HLCS: variants seen among roughly 807,000 people sequenced by gnomAD.
The protein encoded by HLCS is biotin--protein ligase.
Under a neutral mutation model 75.0 loss-of-function variants are expected in HLCS, and 53 were observed. The observed-to-expected ratio is 0.71, with a 90% confidence interval of 0.57 to 0.89. HLCS has a LOEUF of 0.89. Ranked by LOEUF, HLCS falls within the 40% of genes least tolerant of loss-of-function variation. The pLI is 0.00. For synonymous variants in HLCS, 431 were observed against 428.6 expected (o/e 1.01, Z -0.07); for missense variants, 966 against 1,074.0 (o/e 0.90, Z 1.41).
chr21:36,951,104 ATGTTT>A (rs1304021845), intron 2 of HLCS, among the ~76,000 whole-genome samples: 4 of 152,194 alleles, frequency 2.6e-5, no homozygotes, highest in Non-Finnish European at 5.9e-5. Flanking sequence ...TTCTTGCTGC[ATGTTT>A]TGAATTGATG....
chr21:36,934,248 A>T (rs1307209110), intron 4 of HLCS, among the ~76,000 whole-genome samples: 1 of 152,202 alleles, frequency 6.6e-6, no homozygotes, highest in South Asian at 2.1e-4. Context: ...GAACTAAAAA[A>T]ATGTCTCCAG....
rs752570659 is a variant in HLCS, at chr21:36,937,370, A to G, written c.516T>C (p.Thr172=). 1.2e-6 allele frequency: 2 copies of G among 1,613,806 alleles called. No homozygotes were observed. Among genetic ancestry groups the G allele is most frequent in the Admixed American group, 1.7e-5 (1 of 60,018 alleles). The change falls in exon 4 of 11, where the codon ACT becomes ACC. Residue 172 remains threonine, a synonymous_variant. Transcript: ENST00000674895. The part of the protein sequence containing the change: ...KIVSVHLQDS[T]LKEVKDQVSN... ...AGACCTGATCCTTAACTTCCTTCAG[A>G]GTGGAGTCCTGCAAGTGCACCGCTA...
intron 6 of HLCS, among the ~76,000 whole-genome samples, chr21:36,769,980 C>T (rs978804663): frequency 6.6e-6 from 1 of 152,082 alleles, no homozygotes; most frequent in East Asian, 1.9e-4. Flanking sequence ...ATGGAAACAA[C>T]CTCACTGTTA....
At chr21:36,791,758 C>T (rs75407412) in intron 6 of HLCS, among the ~76,000 whole-genome samples, 2,292 of 152,160 alleles carry the variant, frequency 0.015, 51 homozygotes, top group African/African-American at 0.052. Flanking sequence ...GCATGGAATG[C>T]GGCTGCTCCA....
At chr21:36,890,748 T>G (rs368491481) in intron 6 of HLCS, among the ~76,000 whole-genome samples, 93 of 152,186 alleles carry the variant, frequency 6.1e-4, no homozygotes, top group East Asian at 4.3e-3. Context: ...CTCCAAATCC[T>G]CCTAGATGTG....
chr21:36,835,896 C>T (rs2062393547), intron 6 of HLCS, among the ~76,000 whole-genome samples: 1 of 152,140 alleles, frequency 6.6e-6, no homozygotes, highest in Non-Finnish European at 1.5e-5. Flanking sequence ...TTAATACCCA[C>T]AAAGACCTGA....
intron 4 of HLCS, among the ~76,000 whole-genome samples, chr21:36,933,847 C>T (rs976782403): frequency 5.3e-5 from 8 of 152,262 alleles, no homozygotes; most frequent in South Asian, 4.2e-4. Flanking sequence ...AAGATGCACA[C>T]GCAGTGAATT....
rs578091010 is a variant in HLCS, at chr21:36,875,571, A to G, written c.1892+21289T>C. Among the ~76,000 whole-genome samples, 4 of 152,254 alleles carry G rather than the reference A, an allele frequency of 2.6e-5. No individual in the cohort carries two copies. The South Asian group carries it at 8.3e-4, about 32-fold the overall frequency. On this transcript the variant is annotated intron_variant, in intron 6 of 10. Coordinates refer to ENST00000674895, the MANE Select transcript of HLCS (RefSeq NM_001352514.2). ...ACATGTCTGCGGAAAGGAGCTACACACTACAGGTCTCCTGTCCACTAAGAG... is the reference window on the plus strand; with the variant it reads ...ACATGTCTGCGGAAAGGAGCTACACGCTACAGGTCTCCTGTCCACTAAGAG...
chr21:36,829,632 G>T (rs968433365), intron 6 of HLCS, among the ~76,000 whole-genome samples: 1 of 151,950 alleles, frequency 6.6e-6, no homozygotes, highest in Admixed American at 6.6e-5. Context: ...ATGGGTTCAC[G>T]GTGCCATCCA....
At chr21:36,961,053 C>T (rs993083377) in intron 2 of HLCS, among the ~76,000 whole-genome samples, 1 of 152,184 alleles carries the variant, frequency 6.6e-6, no homozygotes, top group Non-Finnish European at 1.5e-5. Context: ...AGTGCTGTTA[C>T]AACTCATAAC....
At chr21:36,868,241 AAG>A (rs1177368143) in intron 6 of HLCS, among the ~76,000 whole-genome samples, 1 of 150,244 alleles carries the variant, frequency 6.7e-6, no homozygotes, top group Non-Finnish European at 1.5e-5. Context: ...GAGAAAGAGA[AAG>A]AAAGAAAGAA....
rs528073197 is a variant in HLCS, at chr21:36,886,578, GCAGT to G, written c.1892+10278_1892+10281del. Among the ~76,000 whole-genome samples, 496 of 152,178 alleles carry G rather than the reference GCAGT, an allele frequency of 3.3e-3. 3 individuals are homozygous for G. Among genetic ancestry groups the G allele is most frequent in the African/African-American group, 0.012 (480 of 41,504 alleles). On this transcript the variant is annotated intron_variant, in intron 6 of 10. Transcript: ENST00000674895. ...GTGACATTCACTCCTGCTGTTCTGC[GCAGT>G]CAAATTTGGGATGCTTCAAGTTGTC...
chr21:36,778,007 C>T lies in HLCS; in HGVS notation c.1893-10722G>A, dbSNP rs562974076. Among the ~76,000 whole-genome samples, 10 of 152,270 alleles carry T rather than the reference C, an allele frequency of 6.6e-5. No homozygotes were observed. In the South Asian group the frequency reaches 1.2e-3, roughly 19 times the overall value. On this transcript the variant is annotated intron_variant, in intron 6 of 10. Transcript: ENST00000674895. The stretch of plus-strand genomic sequence containing the variant: ...TTTTGGAGACACAGTCTCGCTCTGT[C>T]GCCCAGGCTGGAGTGCAGTGGCACG...
At chr21:36,813,795 A>C (rs1434132321) in intron 6 of HLCS, among the ~76,000 whole-genome samples, 4 of 152,228 alleles carry the variant, frequency 2.6e-5, no homozygotes, top group Non-Finnish European at 5.9e-5. Flanking sequence ...ATTAGGTCAC[A>C]AGCTGTTTTA....
At position 36,966,425 on chromosome 21, in the gene HLCS, G is replaced by GCGGGC; in HGVS notation, c.195+18_195+19insGCCCG. ...CCGGCTCGCGGGGCCCGGGTCGCCCGCCCGCCCGACCCGCCCACCTGGCTG... is the reference window on the plus strand; with the variant it reads ...CCGGCTCGCGGGGCCCGGGTCGCCCGCGGGCCCCGCCCGACCCGCCCACCTGGCTG... On this transcript the variant is annotated intron_variant, in intron 1 of 10. Transcript: ENST00000674895. 1 of 195,440 alleles carries GCGGGC rather than the reference G, an allele frequency of 5.1e-6. No individual in the cohort carries two copies. Among genetic ancestry groups the GCGGGC allele is most frequent in the Non-Finnish European group, 8.6e-6 (1 of 116,692 alleles). The allele number at this position is 195,440 out of a possible 1,614,324, so 12.1% of individuals were successfully genotyped here. A position where few individuals can be genotyped will look rare whatever the true frequency, so the allele number is the denominator to read the frequency against.
At chr21:36,868,735 C>T (rs549068401) in intron 6 of HLCS, among the ~76,000 whole-genome samples, 115 of 152,224 alleles carry the variant, frequency 7.6e-4, no homozygotes, top group African/African-American at 1.7e-3. Flanking sequence ...GCTGGCACGA[C>T]GACTTTGTCC....
At position 36,936,575 on chromosome 21, in the gene HLCS, C is replaced by CCT. The variant is rs1209389482; in HGVS notation, c.1309_1310dup (p.Tyr438GlyfsTer26). On this transcript the variant is annotated frameshift_variant, in exon 4 of 11. Transcript: ENST00000674895. LOFTEE classifies it high-confidence loss of function. ...TGAGCCGGACGGGGCCTTCCTGGTA[C>CCT]CTGCAGCCACTGCTCAAGACGCTGA... 1 of 1,614,204 alleles carries CCT rather than the reference C, an allele frequency of 6.2e-7. No homozygotes were observed. Among genetic ancestry groups the CCT allele is most frequent in the South Asian group, 1.1e-5 (1 of 91,090 alleles).
Position 36,917,830 on chromosome 21 carries a change from A to G in HLCS, c.1620+12421T>C, listed in dbSNP as rs565266601. 1.1e-3 allele frequency among the ~76,000 whole-genome samples: 162 copies of G among 152,146 alleles called. 1 individual carries two copies. The highest frequency in any genetic ancestry group is 0.01 in the Middle Eastern group (3 of 294). Reference sequence around the variant, plus strand: ...TCCCTTCTTAATGAAGGTCGCTGCAAGCAGACAGGCCATTCTAGGTAACAG... The same window carrying G: ...TCCCTTCTTAATGAAGGTCGCTGCAGGCAGACAGGCCATTCTAGGTAACAG... On this transcript the variant is annotated intron_variant, in intron 5 of 10. Transcript: ENST00000674895.
intron 1 of HLCS, among the ~76,000 whole-genome samples, chr21:36,975,526 C>A (rs1261115874): frequency 2.0e-5 from 3 of 152,180 alleles, no homozygotes; most frequent in Non-Finnish European, 4.4e-5. Flanking sequence ...GTGCCTGCCC[C>A]CACCCCAGAA....
Sources: allele counts gnomAD v4.1 joint callset (sites outside exome capture counted in the v4.1 genomes callset), GRCh38; gene constraint gnomAD v4.1.1; transcripts MANE v1.5; gene names NCBI Gene and HGNC (gene_info 2026-07-23, HGNC 2026-07-21).